Variants in PBX1 observed in about 807,000 individuals in gnomAD.
PBX1 encodes pre-B-cell leukemia transcription factor 1.
PBX1 carries 6 observed loss-of-function variants against 53.4 expected under a neutral mutation model. The ratio of observed to expected loss-of-function variants is 0.11; its 90% confidence interval spans 0.06 to 0.22. The LOEUF (loss-of-function observed/expected upper bound fraction) is 0.22. PBX1 is among the 10% of genes least tolerant of loss of function. The probability of loss-of-function intolerance (pLI) is 1.00; values close to 1 mark genes in which losing one functional copy is unlikely to be tolerated. For missense variants in PBX1, 251 were observed against 551.4 expected (o/e 0.46, Z 5.46); for synonymous variants, 204 against 212.3 (o/e 0.96, Z 0.34).
At chr1:164,789,461 T>G (rs1668383264) in intron 2 of PBX1, among the ~76,000 whole-genome samples, 1 of 152,234 alleles carries the variant, frequency 6.6e-6, no homozygotes, top group Non-Finnish European at 1.5e-5. Flanking sequence ...ACTGTCTCTC[T>G]GCCTTGCCTC....
chr1:164,854,945 C>CTTT (rs539213655), downstream of PBX1, among the ~76,000 whole-genome samples: 120 of 116,318 alleles, frequency 1.0e-3, 1 homozygote, highest in Non-Finnish European at 1.4e-3. Context: ...CTCTCTCTCT[C>CTTT]TTTTTTTTTT....
At chr1:164,748,194 TAAAG>T (rs920807369) in intron 2 of PBX1, among the ~76,000 whole-genome samples, 2 of 152,156 alleles carry the variant, frequency 1.3e-5, no homozygotes, top group African/African-American at 2.4e-5. Flanking sequence ...AAGTACATGA[TAAAG>T]AAAGATCATG....
At chr1:164,700,400 T>G in intron 2 of PBX1, 1 of 953,604 alleles carries the variant, frequency 1.0e-6, no homozygotes, top group Non-Finnish European at 1.2e-6. Context: ...TGAGGTTCTG[T>G]TATTTCTCCA....
At chr1:164,757,806 C>T (rs372172601) in intron 2 of PBX1, among the ~76,000 whole-genome samples, 1 of 29,876 alleles carries the variant, frequency 3.3e-5, no homozygotes, top group Non-Finnish European at 2.3e-4. Context: ...CCCAGTAAAA[C>T]TTTTTATCAA....
downstream of PBX1, among the ~76,000 whole-genome samples, chr1:164,854,525 G>A (rs1191873062): frequency 6.6e-6 from 1 of 152,088 alleles, no homozygotes; most frequent in Non-Finnish European, 1.5e-5. Context: ...AATCAGGAAT[G>A]ATGTTCTGCT....
chr1:164,805,187 T>A (rs1669287618), intron 4 of PBX1, among the ~76,000 whole-genome samples: 1 of 152,204 alleles, frequency 6.6e-6, no homozygotes, highest in South Asian at 2.1e-4. Flanking sequence ...AAAACCTAGA[T>A]GCCCAACTCA....
chr1:164,634,791 T>C (rs1237282945), intron 2 of PBX1, among the ~76,000 whole-genome samples: 1 of 152,156 alleles, frequency 6.6e-6, no homozygotes, highest in Non-Finnish European at 1.5e-5. Flanking sequence ...ATGATTACTC[T>C]CAGTTATTTC....
chr1:164,564,666 A>G (rs1653306621), intron 2 of PBX1, among the ~76,000 whole-genome samples: 2 of 152,282 alleles, frequency 1.3e-5, no homozygotes, highest in South Asian at 2.1e-4. Context: ...CCTTATTGCA[A>G]ACCTGTTAAT....
chr1:164,754,059 T>C (rs1411803045), intron 2 of PBX1, among the ~76,000 whole-genome samples: 2 of 152,192 alleles, frequency 1.3e-5, no homozygotes, highest in Non-Finnish European at 2.9e-5. Flanking sequence ...GATGTTTATG[T>C]ATCTCGGCAA....
At chr1:164,629,239 A>G (rs1658249030) in intron 2 of PBX1, among the ~76,000 whole-genome samples, 3 of 151,728 alleles carry the variant, frequency 2.0e-5, no homozygotes, top group Admixed American at 2.0e-4. Flanking sequence ...TGAAAAAAAA[A>G]ATGTTAGTGT....
intron 8 of PBX1, among the ~76,000 whole-genome samples, chr1:164,844,542 T>C (rs1671469146): frequency 6.6e-6 from 1 of 152,192 alleles, no homozygotes; most frequent in Non-Finnish European, 1.5e-5. Context: ...CCCCAAGTAG[T>C]AGGATTATGG....
rs58617739 is a variant in PBX1, at chr1:164,707,418, T to TGTGTGTGAGA, written c.266-85075_266-85074insTGTGTGAGAG. On this transcript the variant is annotated intron_variant, in intron 2 of 8. Transcript: ENST00000420696. ...AGGTGTGTGTGTGTGTGTGTGTGTGTGAGAGAGAGAGAGAGAGAGAGAGAG... is the reference window on the plus strand; with the variant it reads ...AGGTGTGTGTGTGTGTGTGTGTGTGTGTGTGTGAGAGAGAGAGAGAGAGAGAGAGAGAGAG... Among the ~76,000 whole-genome samples the TGTGTGTGAGA allele has an allele frequency of 5.0e-3, 592 of 118,230 alleles. 7 individuals are homozygous for TGTGTGTGAGA. The highest frequency in any genetic ancestry group is 0.02 in the African/African-American group (525 of 26,114). The allele number at this position is 118,230 out of a possible 152,430, so 77.6% of individuals were successfully genotyped here. A position where few individuals can be genotyped will look rare whatever the true frequency, so the allele number is the denominator to read the frequency against.
intron 2 of PBX1, among the ~76,000 whole-genome samples, chr1:164,631,592 G>T (rs183195889): frequency 6.6e-6 from 1 of 152,034 alleles, no homozygotes; most frequent in Non-Finnish European, 1.5e-5. Context: ...TAGCCTCCGG[G>T]CATATTTACA....
intron 3 of PBX1, among the ~76,000 whole-genome samples, chr1:164,797,811 G>C (rs748790276): frequency 1.3e-5 from 2 of 152,166 alleles, no homozygotes; most frequent in African/African-American, 4.8e-5. Context: ...ACCTTATCAG[G>C]TAGGGTATTG....
chr1:164,851,358 T>G lies in PBX1; in HGVS notation c.*4682T>G. 4.9e-6 allele frequency: 1 copy of G among 205,036 alleles called. No individual in the cohort carries two copies. Among genetic ancestry groups the G allele is most frequent in the Non-Finnish European group, 1.0e-5 (1 of 100,174 alleles). The allele number at this position is 205,036 out of a possible 1,614,324, so 12.7% of individuals were successfully genotyped here. ...CAATGCTTTAGGAAATATTTCTACC[T>G]GAACACTTGTACTCTTGAAGTCACA... On this transcript the variant is annotated 3_prime_UTR_variant, in exon 9 of 9. Transcript: ENST00000420696.
At position 164,849,285 on chromosome 1, in the gene PBX1, A is replaced by G. The variant is rs113819464; in HGVS notation, c.*2609A>G. Reference sequence around the variant, plus strand: ...CGGGCCGTAGTTTTCACTGATGATCACCTTTCACAGCATTTTCCCCAACCA... The same window carrying G: ...CGGGCCGTAGTTTTCACTGATGATCGCCTTTCACAGCATTTTCCCCAACCA... On this transcript the variant is annotated 3_prime_UTR_variant, in exon 9 of 9. Transcript: ENST00000420696. 48 of 1,533,426 alleles carry G rather than the reference A, an allele frequency of 3.1e-5. No individual in the cohort carries two copies. The African/African-American group carries it at 3.8e-4, about 12-fold the overall frequency. 95.0% of individuals were successfully genotyped at this position (1,533,426 alleles called of 1,614,324 possible).
At chr1:164,705,958 G>A (rs1003348077) in intron 2 of PBX1, among the ~76,000 whole-genome samples, 1 of 152,208 alleles carries the variant, frequency 6.6e-6, no homozygotes, top group Non-Finnish European at 1.5e-5. Flanking sequence ...AGTGGCCATA[G>A]CATTTACAGA....
At chr1:164,593,506 A>T (rs1248652829) in intron 2 of PBX1, among the ~76,000 whole-genome samples, 1 of 151,574 alleles carries the variant, frequency 6.6e-6, no homozygotes, top group Non-Finnish European at 1.5e-5. Flanking sequence ...CTGGTTGTAA[A>T]CCCCAGCTTC....
At chr1:164,699,526 C>G (rs1662984238) in intron 2 of PBX1, among the ~76,000 whole-genome samples, 1 of 152,152 alleles carries the variant, frequency 6.6e-6, no homozygotes, top group South Asian at 2.1e-4. Context: ...CAGGGTGTCA[C>G]ACATGTGCTT....
Sources: gnomAD v4.1 joint callset for allele counts (sites outside exome capture counted in the v4.1 genomes callset) on GRCh38, gnomAD v4.1.1 for gene constraint, MANE v1.5 for transcripts, NCBI Gene and HGNC (gene_info 2026-07-23, HGNC 2026-07-21) for gene names.